The following RSPH14 variants were observed in gnomAD, a reference collection of about 807,000 sequenced individuals.
RSPH14 encodes the protein rhabdoid tumor deletion region gene 1.
Under a neutral mutation model 26.7 loss-of-function variants are expected in RSPH14, and 20 were observed. The ratio of observed to expected loss-of-function variants is 0.75; its 90% CI spans 0.53 to 1.09. RSPH14 has a LOEUF of 1.09. Ranked by LOEUF, RSPH14 falls within the 50% of genes least tolerant of loss-of-function variation. The pLI, the probability that RSPH14 is intolerant of heterozygous loss-of-function variation, is 0.00. For missense variants in RSPH14, 449 were observed against 457.2 expected (o/e 0.98, Z 0.16); for synonymous variants, 177 against 189.3 (o/e 0.93, Z 0.53).
the RSPH14 span, among the ~76,000 whole-genome samples, chr22:23,165,176 C>A: frequency 6.6e-6 from 1 of 152,216 alleles, no homozygotes; most frequent in East Asian, 1.9e-4. Context: ...GAAGGGCCCA[C>A]AGTAGGTGCT....
At chr22:23,141,851 T>G in intron 1 of RSPH14, 98 bp downstream of exon 1, 1 of 428,054 alleles carries the variant, frequency 2.3e-6, no homozygotes, top group Non-Finnish European at 3.1e-6. Context: ...CAAAAGACCG[T>G]GATTTTGAGT....
rs562424172 is a variant in RSPH14 at position 23,130,080 on chromosome 22, A to G, written c.421+3946T>C. On this transcript the variant is annotated intron_variant, in intron 4 of 6. Coordinates refer to ENST00000216036, the MANE Select transcript of RSPH14 (RefSeq NM_014433.3). ...AAGAAAAAGAAAGAAAGAAAGAAAG[A>G]AAGGAAGAAAGAAAGAAAGAAAGAA... Among the ~76,000 whole-genome samples the G allele has an allele frequency of 3.0e-3, 88 of 29,322 alleles. 2 individuals are homozygous for G. In the Middle Eastern group the frequency reaches 0.071, roughly 24 times the overall value. The allele number at this position is 29,322 out of a possible 152,430, so 19.2% of individuals were successfully genotyped here.
At chr22:23,145,584 C>T (rs573095721), upstream of RSPH14, 4 of 1,581,668 alleles carry the variant, frequency 2.5e-6, no homozygotes, top group African/African-American at 5.4e-5. Context: ...TCCGACCCTC[C>T]CGGTCACCCA....
At chr22:23,151,789 G>A in the RSPH14 span, among the ~76,000 whole-genome samples, 3 of 152,136 alleles carry the variant, frequency 2.0e-5, no homozygotes, top group African/African-American at 7.2e-5. Flanking sequence ...TGAGGGTGGC[G>A]GCTGCTCTTG....
chr22:23,174,784 C>A, the RSPH14 span, among the ~76,000 whole-genome samples: 1 of 151,416 alleles, frequency 6.6e-6, no homozygotes, highest in Non-Finnish European at 1.5e-5. Context: ...GCCTGACCAA[C>A]ATGGAGAAAC....
chr22:23,177,932 T>C, the RSPH14 span, among the ~76,000 whole-genome samples: 421 of 152,262 alleles, frequency 2.8e-3, 2 homozygotes, highest in Non-Finnish European at 4.7e-3. Context: ...CCTGAGCAGG[T>C]AGAACTACAG....
At chr22:23,168,538 AGATGC>A in the RSPH14 span, among the ~76,000 whole-genome samples, 1 of 152,162 alleles carries the variant, frequency 6.6e-6, no homozygotes, top group African/African-American at 2.4e-5. Flanking sequence ...GCACTGTGTG[AGATGC>A]GATGCCCTCC....
chr22:23,074,412 A>G (rs1429430382), intron 4 of RSPH14, among the ~76,000 whole-genome samples: 1 of 152,174 alleles, frequency 6.6e-6, no homozygotes, highest in African/African-American at 2.4e-5. Context: ...AACCAGTAGA[A>G]AGATGGAGCT....
At chr22:23,146,661 C>T, upstream of RSPH14, 1 of 1,614,064 alleles carries the variant, frequency 6.2e-7, no homozygotes, top group Non-Finnish European at 8.5e-7. Context: ...TGAGCCGCGA[C>T]CGTGTCATCG....
the RSPH14 span, among the ~76,000 whole-genome samples, chr22:23,154,393 A>T: frequency 4.5e-3 from 688 of 152,328 alleles, 7 homozygotes; most frequent in African/African-American, 0.016. Flanking sequence ...CCCTTCTCTC[A>T]GGACTTCCAC....
intron 4 of RSPH14, among the ~76,000 whole-genome samples, chr22:23,129,569 C>CA (rs753269291): frequency 4.7e-3 from 554 of 118,372 alleles, no homozygotes; most frequent in African/African-American, 0.014. Flanking sequence ...ACACGGCACT[C>CA]AAAAAAAAAA....
chr22:23,157,769 G>T, the RSPH14 span, among the ~76,000 whole-genome samples: 1 of 152,142 alleles, frequency 6.6e-6, no homozygotes, highest in African/African-American at 2.4e-5. Context: ...TGCCTCCCTG[G>T]ATCCCACACT....
Position 23,112,106 on chromosome 22 carries a change from G to T in RSPH14, c.421+21920C>A, listed in dbSNP as rs191383559. Among the ~76,000 whole-genome samples, 228 of 152,276 alleles carry T rather than the reference G, an allele frequency of 1.5e-3. 2 individuals are homozygous for T. The highest frequency in any genetic ancestry group is 5.2e-3 in the African/African-American group (215 of 41,568). On this transcript the variant is annotated intron_variant, in intron 4 of 6. Transcript: ENST00000216036. ...CAGGGACCAGGAGGGCCAGAACACAGGCACCCTCAGCCTCCTGTCTTCACC... is the reference window on the plus strand; with the variant it reads ...CAGGGACCAGGAGGGCCAGAACACATGCACCCTCAGCCTCCTGTCTTCACC...
intron 4 of RSPH14, among the ~76,000 whole-genome samples, chr22:23,083,953 T>C (rs374653720): frequency 6.6e-6 from 1 of 152,034 alleles, no homozygotes; most frequent in South Asian, 2.1e-4. Context: ...TTCAGCCAGG[T>C]GGGGTGGAAC....
At chr22:23,166,604 C>T in the RSPH14 span, among the ~76,000 whole-genome samples, 23 of 152,130 alleles carry the variant, frequency 1.5e-4, no homozygotes, top group Non-Finnish European at 2.8e-4. Flanking sequence ...ATTCCCTTAC[C>T]GTCCTGGTGG....
At chr22:23,103,812 G>T (rs897131789) in intron 4 of RSPH14, among the ~76,000 whole-genome samples, 25 of 152,184 alleles carry the variant, frequency 1.6e-4, no homozygotes, top group African/African-American at 6.0e-4. Flanking sequence ...CCTCAGGTCA[G>T]CTGGGGATGG....
chr22:23,123,590 CAT>C, intron 4 of RSPH14: 1 of 604,024 alleles, frequency 1.7e-6, no homozygotes, highest in Non-Finnish European at 2.9e-6. Flanking sequence ...TTTCTGCAAA[CAT>C]AAATATTTAC....
At chr22:23,161,907 C>T in the RSPH14 span, 35 of 309,076 alleles carry the variant, frequency 1.1e-4, no homozygotes, top group Non-Finnish European at 1.9e-4. Flanking sequence ...ACTCCTGCGT[C>T]GGTCTATACT....
At chr22:23,119,489 C>T (rs1030756908) in intron 4 of RSPH14, among the ~76,000 whole-genome samples, 10 of 152,354 alleles carry the variant, frequency 6.6e-5, no homozygotes, top group Middle Eastern at 3.4e-3. Context: ...AACAAACCCA[C>T]GATGCAGCTC....
Sources: allele counts gnomAD v4.1 joint callset (sites outside exome capture counted in the v4.1 genomes callset), GRCh38; gene constraint gnomAD v4.1.1; transcripts MANE v1.5; gene names NCBI Gene and HGNC (gene_info 2026-07-23, HGNC 2026-07-21).